HHIP: variants seen among roughly 807,000 people sequenced by gnomAD.
HHIP encodes hedgehog-interacting protein.
Under a neutral mutation model 74.0 loss-of-function variants are expected in HHIP, and 12 were observed. The ratio of observed to expected loss-of-function variants is 0.16; its 90% confidence interval spans 0.10 to 0.26. The LOEUF (loss-of-function observed/expected upper bound fraction) is 0.26. Among genes scored for constraint, HHIP ranks in the 10% least tolerant of loss-of-function variants. HHIP has a pLI of 1.00. For synonymous variants in HHIP, 309 were observed against 311.6 expected, an observed-to-expected ratio of 0.99 and a Z score of 0.09; for missense variants, 788 against 845.0, an observed-to-expected ratio of 0.93 and a Z score of 0.84.
intron 4 of HHIP, among the ~76,000 whole-genome samples, chr4:144,663,919 T>C (rs2126594859): frequency 6.6e-6 from 1 of 152,330 alleles, no homozygotes; most frequent in African/African-American, 2.4e-5. Context: ...AATGTGAAAG[T>C]CAGCCTTAGC....
At chr4:144,686,858 G>T (rs1357096108) in intron 4 of HHIP, among the ~76,000 whole-genome samples, 1 of 151,820 alleles carries the variant, frequency 6.6e-6, no homozygotes. Context: ...CCTAGTCTGG[G>T]TGCAACAGTC....
At chr4:144,720,271 T>C (rs1730597255) in intron 11 of HHIP, among the ~76,000 whole-genome samples, 1 of 152,154 alleles carries the variant, frequency 6.6e-6, no homozygotes, top group Admixed American at 6.5e-5. Flanking sequence ...AGAATAAAAA[T>C]CAAACTAATG....
intron 8 of HHIP, among the ~76,000 whole-genome samples, chr4:144,713,762 C>A (rs992073603): frequency 6.6e-6 from 1 of 152,064 alleles, no homozygotes. Context: ...CTTTTATGTA[C>A]TATGTTTTTA....
Position 144,734,887 on chromosome 4 carries a change from C to T in HHIP, c.1907C>T (p.Thr636Ile), listed in dbSNP as rs1441923910. 1.9e-6 allele frequency: 3 copies of T among 1,606,814 alleles called. No homozygotes were observed. Among genetic ancestry groups the T allele is most frequent in the Admixed American group, 3.3e-5 (2 of 59,882 alleles). ...SPGWEGDFCR[T>I]AKCEPACRHG... is the part of the protein sequence containing the mutation. Reference sequence around the variant, plus strand: ...GGCTGGGAGGGGGACTTCTGCAGAACTGGTTAGTATTTCTGTTTTCACCTG... The same window carrying T: ...GGCTGGGAGGGGGACTTCTGCAGAATTGGTTAGTATTTCTGTTTTCACCTG... Residue 636 changes from threonine (T) to isoleucine (I), a missense_variant and splice_region_variant, in exon 12 of 13, where the codon ACT becomes ATT. By Grantham distance (89) the Thr-to-Ile change is moderately conservative. This residue lies in a region of HHIP where 343 missense variants were observed against 347.9 expected (regional missense o/e 0.99). Coordinates refer to ENST00000296575, the MANE Select transcript of HHIP (RefSeq NM_022475.3).
rs773525250 is a variant in HHIP, at chr4:144,714,367, C to A, written c.1547+19C>A. The A allele has an allele frequency of 5.0e-6, 8 of 1,612,152 alleles. No individual in the cohort carries two copies. Among genetic ancestry groups the A allele is most frequent in the Admixed American group, 1.7e-5 (1 of 59,922 alleles). On this transcript the variant is annotated intron_variant, in intron 9 of 12. Transcript: ENST00000296575. ...GTAATGGGTAGGTTTCCTGATACCACAACAGTATGATATACCAAATGACAT... is the reference window on the plus strand; with the variant it reads ...GTAATGGGTAGGTTTCCTGATACCAAAACAGTATGATATACCAAATGACAT...
intron 9 of HHIP, 99 bp downstream of exon 9, chr4:144,714,447 T>C: frequency 8.2e-7 from 1 of 1,226,572 alleles, no homozygotes; most frequent in Non-Finnish European, 1.2e-6. Context: ...TGTCTCTTTT[T>C]GTGCATCAGA....
At chr4:144,699,941 T>C (rs921341818) in intron 4 of HHIP, among the ~76,000 whole-genome samples, 2 of 152,174 alleles carry the variant, frequency 1.3e-5, no homozygotes, top group Non-Finnish European at 2.9e-5. Context: ...TCACAGCTTA[T>C]ACACACAGCA....
In HHIP at chr4:144,667,004, A is replaced by G. The variant is rs544539054; in HGVS notation, c.831+7166A>G. Among the ~76,000 whole-genome samples, 4 of 152,330 alleles carry G rather than the reference A, an allele frequency of 2.6e-5. No individual in the cohort carries two copies. The South Asian group carries it at 8.3e-4, about 32-fold the overall frequency. ...AAGGAGGGGAAGAAGGAAAATATGC[A>G]TGACTCACAAGCTCCAGTGACCACT... On this transcript the variant is annotated intron_variant, in intron 4 of 12. Coordinates refer to ENST00000296575, the MANE Select transcript of HHIP (RefSeq NM_022475.3).
intron 4 of HHIP, among the ~76,000 whole-genome samples, chr4:144,671,318 GTT>G (rs59957249): frequency 0.01 from 1,463 of 142,720 alleles, 28 homozygotes; most frequent in African/African-American, 0.033. Flanking sequence ...CAAGGAGGGT[GTT>G]TTTTTTTTTT....
intron 3 of HHIP, 122 bp from the exon 4 acceptor site, chr4:144,659,515 A>G (rs1248407005): frequency 3.4e-6 from 2 of 585,604 alleles, no homozygotes; most frequent in Non-Finnish European, 5.6e-6. Context: ...TGGGTTAGCA[A>G]GCACTTCATG....
chr4:144,688,916 G>A (rs1328050512), intron 4 of HHIP, among the ~76,000 whole-genome samples: 1 of 152,206 alleles, frequency 6.6e-6, no homozygotes, highest in African/African-American at 2.4e-5. Context: ...CAAGCTTGGT[G>A]TGTTATAAAT....
At position 144,646,609 on chromosome 4, in the gene HHIP, G is replaced by C; in HGVS notation, c.-67G>C. On this transcript the variant is annotated 5_prime_UTR_variant, in exon 1 of 13. Coordinates refer to ENST00000296575, the MANE Select transcript of HHIP (RefSeq NM_022475.3). ...ACTCCTCCTGGAGCTGCGCCCTAGT[G>C]CCCCTGCTGGGCAGTGGCGTTCCCC... 1 of 1,521,472 alleles carries C rather than the reference G, an allele frequency of 6.6e-7. No individual in the cohort carries two copies. The highest frequency in any genetic ancestry group is 8.9e-7 in the Non-Finnish European group (1 of 1,120,006). The allele number at this position is 1,521,472 out of a possible 1,614,324, so 94.2% of individuals were successfully genotyped here.
At chr4:144,705,793 G>T (rs1342977215) in intron 4 of HHIP, among the ~76,000 whole-genome samples, 1 of 152,152 alleles carries the variant, frequency 6.6e-6, no homozygotes. Flanking sequence ...AAAGTTGTTT[G>T]GGATTTTGCT....
chr4:144,715,397 G>C lies in HHIP; in HGVS notation c.1645G>C (p.Gly549Arg). 1 of 1,613,300 alleles carries C rather than the reference G, an allele frequency of 6.2e-7. No homozygotes were observed. The highest frequency in any genetic ancestry group is 1.1e-5 in the South Asian group (1 of 91,050). Residue 549 changes from glycine to arginine, a missense_variant, in exon 10 of 13, where the codon GGT becomes CGT. By Grantham distance (125) the Gly-to-Arg change is moderately radical. Around this residue, in one of 3 missense-constraint regions of HHIP, gnomAD observed 343 missense variants for 347.9 expected, o/e 0.99. Transcript: ENST00000296575. ...TSGSCRGYFS[G>R]HILGFGEDEL... ...TGGGTCCTGTAGAGGCTACTTTTCC[G>C]GTCACATCTTGGGATTTGGAGAAGA... is the stretch of plus-strand genomic sequence containing the variant.
Position 144,737,961 on chromosome 4 carries a change from C to G in HHIP, c.*4C>G, listed in dbSNP as rs200624172. The G allele has an allele frequency of 6.4e-7, 1 of 1,566,474 alleles. No individual in the cohort carries two copies. The highest frequency in any genetic ancestry group is 1.2e-5 in the South Asian group (1 of 83,814). ...TCTAACAAGTTACATTGTATAGTTT[C>G]TGGGACTGTTTGAATATTCTATTCC... On this transcript the variant is annotated 3_prime_UTR_variant, in exon 13 of 13. Transcript: ENST00000296575.
At chr4:144,677,063 T>A (rs1578692242) in intron 4 of HHIP, among the ~76,000 whole-genome samples, 1 of 152,312 alleles carries the variant, frequency 6.6e-6, no homozygotes, top group East Asian at 1.9e-4. Context: ...TCTTCTGTGG[T>A]AAACAGCAAG....
At chr4:144,668,692 C>A (rs6537303) in intron 4 of HHIP, among the ~76,000 whole-genome samples, 53,520 of 151,864 alleles carry the variant, frequency 0.35, 11,059 homozygotes, top group South Asian at 0.52. Context: ...GCAGACGGTG[C>A]AGTGAGCCGA....
chr4:144,659,095 C>G, intron 3 of HHIP, 149 bp downstream of exon 3: 1 of 591,528 alleles, frequency 1.7e-6, no homozygotes, highest in Non-Finnish European at 2.8e-6. Flanking sequence ...GTTTGTTTCT[C>G]TAAAATTCTA....
chr4:144,707,708 T>C (rs1328450364), intron 6 of HHIP, among the ~76,000 whole-genome samples: 1 of 143,158 alleles, frequency 7.0e-6, no homozygotes, highest in East Asian at 2.2e-4. Flanking sequence ...CACAGTGTCT[T>C]GGTTCAGTTG....
Sources: allele counts gnomAD v4.1 joint callset (sites outside exome capture counted in the v4.1 genomes callset), GRCh38; gene constraint gnomAD v4.1.1; regional missense constraint gnomAD v4.1.1; transcripts MANE v1.5; gene names NCBI Gene and HGNC (gene_info 2026-07-23, HGNC 2026-07-21).